KDM4C: variants seen among roughly 807,000 people sequenced by gnomAD.
The protein encoded by KDM4C is lysine-specific demethylase 4C.
A neutral mutation model predicts 129.3 loss-of-function variants in KDM4C; 81 were observed. The observed-to-expected ratio is 0.63, with a 90% CI of 0.52 to 0.75. The LOEUF (loss-of-function observed/expected upper bound fraction) is 0.75. Among genes scored for constraint, KDM4C ranks in the 30% least tolerant of loss-of-function variants. The pLI is 0.00. For synonymous variants in KDM4C, 573 were observed against 456.1 expected (o/e 1.26, Z -3.26); for missense variants, 1,457 against 1,304.0 (o/e 1.12, Z -1.81).
chr9:7,149,011 T>A (rs1437532422), intron 19 of KDM4C, among the ~76,000 whole-genome samples: 1 of 152,174 alleles, frequency 6.6e-6, no homozygotes, highest in East Asian at 1.9e-4. Context: ...TCACCAGGGA[T>A]CCCTCCCATC....
intron 8 of KDM4C, among the ~76,000 whole-genome samples, chr9:6,952,403 G>A (rs1418509515): frequency 8.3e-6 from 1 of 119,944 alleles, no homozygotes; most frequent in Admixed American, 7.9e-5. Flanking sequence ...TTCACAGTGT[G>A]TATGTGTGTA....
intron 14 of KDM4C, 172 bp downstream of exon 14, chr9:7,014,173 C>T (rs1156246556): frequency 3.5e-6 from 2 of 576,560 alleles, no homozygotes; most frequent in East Asian, 2.8e-5. Context: ...GTATATTCAT[C>T]CTTTTTTCAC....
intron 18 of KDM4C, 35 bp from the exon 19 acceptor site, chr9:7,128,031 C>G (rs138984179): frequency 7.3e-7 from 1 of 1,371,082 alleles, no homozygotes; most frequent in South Asian, 2.1e-5. Context: ...TGTTCTCTTA[C>G]TTCTTTTCTT....
chr9:6,983,648 A>C (rs560962824), intron 9 of KDM4C, among the ~76,000 whole-genome samples: 118 of 150,720 alleles, frequency 7.8e-4, no homozygotes, highest in African/African-American at 2.8e-3. Context: ...TCCTTTCGCT[A>C]TTGATGAATT....
chr9:6,790,654 C>CAAAAA (rs1186296239), intron 1 of KDM4C, among the ~76,000 whole-genome samples: 7 of 65,208 alleles, frequency 1.1e-4, no homozygotes, highest in Admixed American at 4.8e-4. Context: ...TTAAATTCAG[C>CAAAAA]AAAAAAAAAA....
At chr9:6,884,730 C>T (rs1467932973) in intron 6 of KDM4C, among the ~76,000 whole-genome samples, 3 of 152,098 alleles carry the variant, frequency 2.0e-5, no homozygotes, top group African/African-American at 7.2e-5. Flanking sequence ...TTTGTATACC[C>T]ATAAAAATGT....
rs1257662179 is a variant in KDM4C, at chr9:7,083,710, G to GGTGTGTGT, written c.2425-19975_2425-19974insGTGTGTGT. On this transcript the variant is annotated intron_variant, in intron 17 of 21. Transcript: ENST00000381309. Reference sequence around the variant, plus strand: ...GAAACGTCCCATGTAGCACATGACTGATGTGTGTGTGTGTGTGTGTGTGTG... The same window carrying GGTGTGTGT: ...GAAACGTCCCATGTAGCACATGACTGGTGTGTGTATGTGTGTGTGTGTGTGTGTGTGTG... 8.1e-3 allele frequency among the ~76,000 whole-genome samples: 532 copies of GGTGTGTGT among 65,524 alleles called. 6 individuals are homozygous for GGTGTGTGT. Among genetic ancestry groups the GGTGTGTGT allele is most frequent in the Admixed American group, 0.052 (356 of 6,784 alleles). 43.0% of individuals were successfully genotyped at this position (65,524 alleles called of 152,430 possible). A position where few individuals can be genotyped will look rare whatever the true frequency, so the allele number is the denominator to read the frequency against.
chr9:7,034,378 G>C (rs937732175), intron 15 of KDM4C, among the ~76,000 whole-genome samples: 3 of 152,056 alleles, frequency 2.0e-5, no homozygotes, highest in Non-Finnish European at 4.4e-5. Flanking sequence ...ATCCTTCTCA[G>C]CCTCTAGTAT....
intron 4 of KDM4C, among the ~76,000 whole-genome samples, chr9:6,815,485 G>T (rs1831915929): frequency 6.6e-6 from 1 of 152,126 alleles, no homozygotes; most frequent in Non-Finnish European, 1.5e-5. Flanking sequence ...AAAGTGCTGG[G>T]ATTAGAGGTG....
At chr9:6,866,311 T>C (rs371358275) in intron 5 of KDM4C, among the ~76,000 whole-genome samples, 40 of 152,372 alleles carry the variant, frequency 2.6e-4, no homozygotes, top group East Asian at 5.8e-4. Flanking sequence ...GCTAGGTTAC[T>C]GTTTCCTTTT....
intron 11 of KDM4C, 52 bp from the exon 12 acceptor site, chr9:6,990,363 TG>T (rs200716178): frequency 0.013 from 13,739 of 1,036,710 alleles, 24 homozygotes; most frequent in Non-Finnish European, 0.015. Flanking sequence ...TTTTTTTTTT[TG>T]TAGTTTGTTT....
rs34189080 is a variant in KDM4C, at chr9:6,799,292, G to C, written c.144+6160G>C. Among the ~76,000 whole-genome samples the C allele has an allele frequency of 8.9e-3, 1,352 of 152,360 alleles. 13 individuals carry two copies. The highest frequency in any genetic ancestry group is 0.027 in the African/African-American group (1,121 of 41,584). ...TGGGCACCATTGAGCACTGAGTTAA[G>C]GAGACTCTGTCTGCAATCCCGGCAT... On this transcript the variant is annotated intron_variant, in intron 2 of 21. Coordinates refer to ENST00000381309, the MANE Select transcript of KDM4C (RefSeq NM_015061.6).
intron 4 of KDM4C, among the ~76,000 whole-genome samples, chr9:6,841,244 C>G (rs1836859319): frequency 6.6e-6 from 1 of 151,870 alleles, no homozygotes; most frequent in Admixed American, 6.5e-5. Flanking sequence ...GGAGTTGGCT[C>G]TGTGGCACTG....
chr9:6,914,411 A>G (rs1819932729), intron 8 of KDM4C, among the ~76,000 whole-genome samples: 1 of 152,202 alleles, frequency 6.6e-6, no homozygotes, highest in South Asian at 2.1e-4. Flanking sequence ...CTAAGACAGT[A>G]ACAGATGAGT....
At chr9:6,941,035 CT>C (rs34567518) in intron 8 of KDM4C, among the ~76,000 whole-genome samples, 46,550 of 144,984 alleles carry the variant, frequency 0.32, 7,356 homozygotes, top group South Asian at 0.48. Flanking sequence ...GCATCTCTTC[CT>C]TTTTTTTTTT....
At position 7,058,624 on chromosome 9, in the gene KDM4C, G is replaced by A. The variant is rs186999425; in HGVS notation, c.2424+9424G>A. ...GTAACCATTGTATTCTCCAATGCCA[G>A]GCATCTGGCATTAAAAAAAAAGCCA... is the stretch of plus-strand genomic sequence containing the variant. On this transcript the variant is annotated intron_variant, in intron 17 of 21. Transcript: ENST00000381309. 9.2e-5 allele frequency among the ~76,000 whole-genome samples: 14 copies of A among 152,192 alleles called. No homozygotes were observed. The East Asian group carries it at 2.7e-3, about 29-fold the overall frequency.
intron 19 of KDM4C, among the ~76,000 whole-genome samples, chr9:7,159,345 T>C (rs1294496941): frequency 2.0e-5 from 3 of 152,322 alleles, no homozygotes; most frequent in South Asian, 2.1e-4. Context: ...AAGGTTAATA[T>C]TGTTATGTGT....
intron 17 of KDM4C, among the ~76,000 whole-genome samples, chr9:7,097,424 A>T (rs1836569078): frequency 6.6e-6 from 1 of 151,876 alleles, no homozygotes; most frequent in South Asian, 2.1e-4. Context: ...GGTCTCGGTA[A>T]CTCTTGGCCT....
chr9:6,924,686 G>GT, intron 8 of KDM4C: 8 of 783,888 alleles, frequency 1.0e-5, no homozygotes, highest in Non-Finnish European at 1.2e-5. Context: ...TTCTGCTGGG[G>GT]TACCGATGCA....
Sources: allele counts gnomAD v4.1 joint callset (sites outside exome capture counted in the v4.1 genomes callset), GRCh38; gene constraint gnomAD v4.1.1; transcripts MANE v1.5; gene names NCBI Gene and HGNC (gene_info 2026-07-23, HGNC 2026-07-21).